Variants in SCAMP4 observed in about 807,000 individuals in gnomAD.
SCAMP4 encodes secretory carrier-associated membrane protein 4.
Under a neutral mutation model 32.1 loss-of-function variants are expected in SCAMP4, and 19 were observed. That is an observed-to-expected ratio of 0.59 (90% CI 0.41 to 0.87). SCAMP4 has a LOEUF of 0.87. Among genes scored for constraint, SCAMP4 ranks in the 40% least tolerant of loss-of-function variants. SCAMP4 has a pLI of 0.00. For synonymous variants in SCAMP4, 152 were observed against 132.7 expected (o/e 1.15, Z -1.00); for missense variants, 302 against 309.0 (o/e 0.98, Z 0.17).
chr19:1,922,689 G>A (rs1340685212), intron 5 of SCAMP4: 32 of 991,938 alleles, frequency 3.2e-5, no homozygotes, highest in Non-Finnish European at 3.7e-5. Context: ...GGCTCAGTGG[G>A]GCCTTTGAGT....
At chr19:1,916,465 CTTTGT>C (rs1414600157) in intron 2 of SCAMP4, among the ~76,000 whole-genome samples, 1 of 152,008 alleles carries the variant, frequency 6.6e-6, no homozygotes, top group African/African-American at 2.4e-5. Context: ...TTGTTGTGTT[CTTTGT>C]TTTGTTTTGA....
At chr19:1,922,931 C>A in intron 5 of SCAMP4, 139 bp from the exon 6 acceptor site, 1 of 1,352,346 alleles carries the variant, frequency 7.4e-7, no homozygotes. Flanking sequence ...TGTTTGTTGG[C>A]CACTTGGTCG....
In SCAMP4 at chr19:1,908,772, T is replaced by G; in HGVS notation, c.-42+3333T>G. The G allele has an allele frequency of 2.8e-6, 1 of 356,706 alleles. No homozygotes were observed. The highest frequency in any genetic ancestry group is 5.5e-6 in the Non-Finnish European group (1 of 182,218). 22.1% of individuals were successfully genotyped at this position (356,706 alleles called of 1,614,324 possible). On this transcript the variant is annotated intron_variant, in intron 1 of 6. Coordinates refer to ENST00000316097, the MANE Select transcript of SCAMP4 (RefSeq NM_079834.4). This position sits in a 1 kb window ranked among gnomAD's most constrained non-coding sequence, Gnocchi z 4.2. ...CCTTGGTCTCCTGAGTAGCTGGGAC[T>G]ACATGTGCACACCACCGTGCCCAAC...
chr19:1,913,392 T>G (rs995969410), intron 1 of SCAMP4: 1 of 615,052 alleles, frequency 1.6e-6, no homozygotes, highest in East Asian at 3.0e-5. Flanking sequence ...TTGTGTCCCC[T>G]CTGTCTCGCG....
rs2145442691 is a variant in SCAMP4, at chr19:1,913,955, G to C, written c.-41-1024G>C. On this transcript the variant is annotated intron_variant, in intron 1 of 6. Coordinates refer to ENST00000316097, the MANE Select transcript of SCAMP4 (RefSeq NM_079834.4). The stretch of plus-strand genomic sequence containing the variant: ...GGGCTCTGCGTGGGGAGCTCATGCA[G>C]TGGACAGAACACCACTGCTGGCCAG... Among the ~76,000 whole-genome samples the C allele has an allele frequency of 2.6e-5, 4 of 152,302 alleles. No individual in the cohort carries two copies. In the South Asian group the frequency reaches 8.3e-4, roughly 32 times the overall value.
chr19:1,907,921 G>C (rs1393385013), intron 1 of SCAMP4: 1 of 153,726 alleles, frequency 6.5e-6, no homozygotes, highest in Non-Finnish European at 1.4e-5. Flanking sequence ...CAGTCAATCA[G>C]CCTGAACACT....
intron 5 of SCAMP4, 168 bp from the exon 6 acceptor site, chr19:1,922,902 G>A (rs549143315): frequency 2.2e-6 from 3 of 1,339,254 alleles, no homozygotes; most frequent in Non-Finnish European, 2.9e-6. Context: ...TGAAGTTGGT[G>A]CCTCTCAGTA....
chr19:1,921,702 G>A, intron 5 of SCAMP4: 1 of 985,360 alleles, frequency 1.0e-6, no homozygotes, highest in Non-Finnish European at 1.2e-6. Flanking sequence ...AAGAGGCCAG[G>A]CATGGTGGCT....
At chr19:1,912,677 C>G in intron 1 of SCAMP4, 2 of 1,442,900 alleles carry the variant, frequency 1.4e-6, no homozygotes, top group Admixed American at 5.9e-5. Flanking sequence ...GCTTGCGGGC[C>G]GTGGGGGCCG....
At chr19:1,915,102 G>T in intron 2 of SCAMP4, 76 bp downstream of exon 2, 2 of 1,580,710 alleles carry the variant, frequency 1.3e-6, no homozygotes, top group South Asian at 1.1e-5. Context: ...AGGAGCCCTC[G>T]GTCCTGGCCG....
chr19:1,911,939 GGAGC>G (rs1258553974), intron 1 of SCAMP4: 13 of 1,354,458 alleles, frequency 9.6e-6, no homozygotes, highest in African/African-American at 1.5e-5. Flanking sequence ...GACCTGGGCC[GGAGC>G]CCTCGGACTA....
intron 3 of SCAMP4, 139 bp from the exon 4 acceptor site, chr19:1,917,988 C>T (rs2013789026): frequency 7.3e-7 from 1 of 1,364,774 alleles, no homozygotes; most frequent in Non-Finnish European, 1.0e-6. Context: ...GCCCCAGTGT[C>T]TTGGCTTGCA....
At chr19:1,916,876 CATGTTGGCGTCCCT>C (rs1444519970) in intron 2 of SCAMP4, among the ~76,000 whole-genome samples, 14 of 152,356 alleles carry the variant, frequency 9.2e-5, no homozygotes, top group Non-Finnish European at 1.5e-4. Context: ...GCTGAGCCTG[CATGTTGGCGTCCCT>C]GCCTGCCGGA....
intron 4 of SCAMP4, 63 bp downstream of exon 4, chr19:1,918,346 G>T: frequency 1.4e-6 from 2 of 1,466,568 alleles, no homozygotes; most frequent in South Asian, 2.7e-5. Flanking sequence ...CTGCACCCCA[G>T]TCCCAGCCCA....
At chr19:1,915,387 A>T in intron 2 of SCAMP4, 1 of 340,362 alleles carries the variant, frequency 2.9e-6, no homozygotes, top group Non-Finnish European at 5.5e-6. Flanking sequence ...TAAGCCCCTG[A>T]GGACAGGGCC....
At chr19:1,912,126 C>G in intron 1 of SCAMP4, 1 of 1,551,472 alleles carries the variant, frequency 6.4e-7, no homozygotes. Context: ...CGTGGAGCAG[C>G]CCAAGTGCTT....
At chr19:1,917,338 C>T (rs901478505) in intron 2 of SCAMP4, among the ~76,000 whole-genome samples, 1 of 152,214 alleles carries the variant, frequency 6.6e-6, no homozygotes, top group Non-Finnish European at 1.5e-5. Flanking sequence ...TTCCTTAAAA[C>T]AGTGAAATCA....
intron 5 of SCAMP4, chr19:1,919,472 A>C: frequency 1.8e-5 from 18 of 983,746 alleles, no homozygotes; most frequent in Non-Finnish European, 2.1e-5. Context: ...TTGGTGTCTT[A>C]AATTTCTGCC....
intron 1 of SCAMP4, chr19:1,912,629 G>A (rs1401456236): frequency 4.8e-6 from 7 of 1,450,322 alleles, no homozygotes; most frequent in Non-Finnish European, 5.4e-6. Flanking sequence ...GCCACATGGA[G>A]CGGGCGGTGT....
Sources: allele counts gnomAD v4.1 joint callset (sites outside exome capture counted in the v4.1 genomes callset), GRCh38; gene constraint gnomAD v4.1.1; non-coding constraint Gnocchi (gnomAD v3.1); transcripts MANE v1.5; gene names NCBI Gene and HGNC (gene_info 2026-07-23, HGNC 2026-07-21).